The following PPFIA1 variants were observed in gnomAD, a reference collection of about 807,000 sequenced individuals.
PPFIA1 encodes liprin-alpha-1.
A neutral mutation model predicts 149.9 loss-of-function variants in PPFIA1; 25 were observed. That is an observed-to-expected ratio of 0.17 (90% CI 0.12 to 0.23). The LOEUF (loss-of-function observed/expected upper bound fraction) is 0.23, where lower values mean the gene tolerates loss of function less well. Ranked by LOEUF, PPFIA1 falls within the 10% of genes least tolerant of loss-of-function variation. The pLI, the probability that PPFIA1 is intolerant of heterozygous loss-of-function variation, is 1.00. For missense variants in PPFIA1, 1,362 were observed against 1,506.5 expected (o/e 0.90, Z 1.59); for synonymous variants, 549 against 552.8 (o/e 0.99, Z 0.10).
At chr11:70,303,409 T>G (rs1472516783) in intron 2 of PPFIA1, among the ~76,000 whole-genome samples, 1 of 152,222 alleles carries the variant, frequency 6.6e-6, no homozygotes, top group Non-Finnish European at 1.5e-5. Flanking sequence ...AAAAGCTGCT[T>G]GTGGCTTTCC....
intron 19 of PPFIA1, among the ~76,000 whole-genome samples, chr11:70,356,891 C>T (rs1482306619): frequency 6.6e-6 from 1 of 152,172 alleles, no homozygotes; most frequent in African/African-American, 2.4e-5. Flanking sequence ...TAATTCTAAA[C>T]TAAGTCTGCT....
chr11:70,338,338 A>G, intron 12 of PPFIA1, 36 bp from the exon 13 acceptor site: 1 of 1,518,122 alleles, frequency 6.6e-7, no homozygotes, highest in Non-Finnish European at 9.1e-7. Flanking sequence ...AATCTAAAAG[A>G]GATAGCAGTA....
At chr11:70,279,256 G>C in intron 2 of PPFIA1, 1 of 293,928 alleles carries the variant, frequency 3.4e-6, no homozygotes, top group South Asian at 5.8e-5. Context: ...AGCTGCCTTT[G>C]TTGGCCTTTC....
At chr11:70,353,417 A>G (rs1056012836) in intron 16 of PPFIA1, among the ~76,000 whole-genome samples, 3 of 152,218 alleles carry the variant, frequency 2.0e-5, no homozygotes, top group African/African-American at 4.8e-5. Flanking sequence ...TCACTGTTCA[A>G]GTCTTGCTGT....
In PPFIA1 at chr11:70,376,194, G is replaced by A. The variant is rs57005923; in HGVS notation, c.3316-338G>A. Among the ~76,000 whole-genome samples, 161 of 152,290 alleles carry A rather than the reference G, an allele frequency of 1.1e-3. 2 individuals are homozygous for A. The highest frequency in any genetic ancestry group is 3.5e-3 in the African/African-American group (145 of 41,564). ...AGTATAGATGGGATTTCACCATGTT[G>A]GCCAAGCTGGTCTCAAACTCCTGAT... On this transcript the variant is annotated intron_variant, in intron 24 of 27. Transcript: ENST00000253925.
intron 2 of PPFIA1, among the ~76,000 whole-genome samples, chr11:70,302,477 G>A (rs970003885): frequency 4.6e-5 from 7 of 152,184 alleles, no homozygotes; most frequent in Admixed American, 3.3e-4. Flanking sequence ...AGCACACTGC[G>A]GCAACAGAGC....
chr11:70,352,023 T>C (rs1420772357), intron 16 of PPFIA1, among the ~76,000 whole-genome samples: 1 of 152,210 alleles, frequency 6.6e-6, no homozygotes, highest in African/African-American at 2.4e-5. Flanking sequence ...ACTTTCATGC[T>C]CTGGTCTGTA....
At chr11:70,298,085 A>G (rs1419052061) in intron 2 of PPFIA1, among the ~76,000 whole-genome samples, 2 of 152,188 alleles carry the variant, frequency 1.3e-5, no homozygotes, top group African/African-American at 2.4e-5. Flanking sequence ...ACTTTCCTCT[A>G]GAAAGAAAAA....
chr11:70,365,302 C>T (rs975547116), intron 21 of PPFIA1: 5 of 441,818 alleles, frequency 1.1e-5, no homozygotes, highest in South Asian at 3.2e-5. Context: ...GTGGCTTATG[C>T]GTGTGCCCCT....
intron 19 of PPFIA1, among the ~76,000 whole-genome samples, chr11:70,361,370 G>C (rs2056634921): frequency 6.6e-6 from 1 of 152,068 alleles, no homozygotes; most frequent in African/African-American, 2.4e-5. Context: ...ATCATCTCTA[G>C]GTTCTTTACA....
At chr11:70,314,131 A>G (rs959564503) in intron 2 of PPFIA1, among the ~76,000 whole-genome samples, 1 of 152,218 alleles carries the variant, frequency 6.6e-6, no homozygotes, top group East Asian at 1.9e-4. Flanking sequence ...CAGACCGGAA[A>G]TGTGGAACCC....
intron 2 of PPFIA1, among the ~76,000 whole-genome samples, chr11:70,317,796 A>T (rs2053722089): frequency 6.6e-6 from 1 of 152,166 alleles, no homozygotes. Flanking sequence ...TTCTTGCATC[A>T]TCCGAGTTGT....
chr11:70,320,729 G>T (rs2053888863), intron 2 of PPFIA1, among the ~76,000 whole-genome samples: 1 of 152,164 alleles, frequency 6.6e-6, no homozygotes, highest in South Asian at 2.1e-4. Context: ...GAGCCACCAT[G>T]CCTGGCCTTA....
At chr11:70,314,816 G>A (rs552747089) in intron 2 of PPFIA1, among the ~76,000 whole-genome samples, 1 of 152,122 alleles carries the variant, frequency 6.6e-6, no homozygotes, top group Non-Finnish European at 1.5e-5. Context: ...TTCTCACACC[G>A]CTATGAAAAA....
At chr11:70,274,890 T>C (rs1257775259) in intron 2 of PPFIA1, among the ~76,000 whole-genome samples, 2 of 152,120 alleles carry the variant, frequency 1.3e-5, no homozygotes, top group African/African-American at 4.8e-5. Context: ...CGCTAATTTT[T>C]GTATTTTTTG....
chr11:70,313,711 AGAT>A (rs1252287149), intron 2 of PPFIA1, among the ~76,000 whole-genome samples: 5 of 152,172 alleles, frequency 3.3e-5, no homozygotes, highest in Non-Finnish European at 5.9e-5. Context: ...TTGGGCAGGA[AGAT>A]GATGATGAGC....
At chr11:70,315,678 GTTTTTTTTTTTTT>G (rs71049904) in intron 2 of PPFIA1, among the ~76,000 whole-genome samples, 32 of 73,020 alleles carry the variant, frequency 4.4e-4, no homozygotes, top group African/African-American at 1.3e-3. Flanking sequence ...CTTTTTTTCT[GTTTTTTTTTTTTT>G]TTTTTTTTTT....
At chr11:70,319,688 A>G (rs917860262) in intron 2 of PPFIA1, among the ~76,000 whole-genome samples, 6 of 152,172 alleles carry the variant, frequency 3.9e-5, no homozygotes, top group African/African-American at 9.7e-5. Flanking sequence ...GGTGATTTCT[A>G]TAGCCTTCAA....
chr11:70,305,299 G>A (rs2052774772), intron 2 of PPFIA1, among the ~76,000 whole-genome samples: 2 of 152,146 alleles, frequency 1.3e-5, no homozygotes, highest in African/African-American at 4.8e-5. Context: ...GTGGGAAATT[G>A]GCTTGTTAGA....
Sources: gnomAD v4.1 joint callset for allele counts (sites outside exome capture counted in the v4.1 genomes callset) on GRCh38, gnomAD v4.1.1 for gene constraint, MANE v1.5 for transcripts, NCBI Gene and HGNC (gene_info 2026-07-23, HGNC 2026-07-21) for gene names.